PTPRD: variants seen among roughly 807,000 people sequenced by gnomAD.
The protein encoded by PTPRD is receptor-type tyrosine-protein phosphatase delta.
Under a neutral mutation model 214.5 loss-of-function variants are expected in PTPRD, and 34 were observed. The observed-to-expected ratio is 0.16, with a 90% confidence interval of 0.12 to 0.21. The LOEUF (loss-of-function observed/expected upper bound fraction) is 0.21, where lower values mean the gene tolerates loss of function less well. Among genes scored for constraint, PTPRD ranks in the 10% least tolerant of loss-of-function variants. The pLI is 1.00. For synonymous variants in PTPRD, 1,128 were observed against 845.7 expected (o/e 1.33, Z -5.79); for missense variants, 2,545 against 2,398.7 (o/e 1.06, Z -1.27).
intron 5 of PTPRD, among the ~76,000 whole-genome samples, chr9:9,835,395 G>A (rs1340288843): frequency 6.6e-6 from 1 of 152,096 alleles, no homozygotes; most frequent in Non-Finnish European, 1.5e-5. Flanking sequence ...AGAAGGCTCA[G>A]AGCAAAAGAA....
At chr9:9,119,834 AT>A (rs111523295) in intron 10 of PTPRD, among the ~76,000 whole-genome samples, 5,738 of 143,610 alleles carry the variant, frequency 0.04, 269 homozygotes, top group African/African-American at 0.12. Context: ...AGATTCTGTG[AT>A]TTTTTTTTTT....
rs548025300 is a variant in PTPRD, at chr9:9,587,686, G to A, written c.-286-12905C>T. Among the ~76,000 whole-genome samples, 12 of 152,082 alleles carry A rather than the reference G, an allele frequency of 7.9e-5. No homozygotes were observed. The East Asian group carries it at 1.9e-3, about 25-fold the overall frequency. On this transcript the variant is annotated intron_variant, in intron 7 of 45. Coordinates refer to ENST00000381196, the MANE Select transcript of PTPRD (RefSeq NM_002839.4). ...GCATTTCTAAACCAAGTTCCCAGGT[G>A]ATGTTGATGCTGCTGTTCTGGGGAT...
Position 8,596,154 on chromosome 9 carries a change from T to C in PTPRD, c.352+37163A>G, listed in dbSNP as rs190794780. Among the ~76,000 whole-genome samples, 5 of 152,224 alleles carry C rather than the reference T, an allele frequency of 3.3e-5. No individual in the cohort carries two copies. The East Asian group carries it at 7.7e-4, about 23-fold the overall frequency. Reference sequence around the variant, plus strand: ...AGGGTAATGTGAGGTTCACCAATCATTGTAAGATATAAAATACAAGAAAAA... The same window carrying C: ...AGGGTAATGTGAGGTTCACCAATCACTGTAAGATATAAAATACAAGAAAAA... On this transcript the variant is annotated intron_variant, in intron 14 of 45. Transcript: ENST00000381196.
intron 5 of PTPRD, among the ~76,000 whole-genome samples, chr9:9,933,254 C>A (rs1259700238): frequency 1.3e-5 from 2 of 152,322 alleles, no homozygotes; most frequent in African/African-American, 2.4e-5. Flanking sequence ...AAATGGAGTA[C>A]ATGCTCCAAT....
chr9:9,998,418 C>G (rs2096222859), intron 4 of PTPRD, among the ~76,000 whole-genome samples: 1 of 151,918 alleles, frequency 6.6e-6, no homozygotes. Context: ...GCCAGTCTCT[C>G]TTTTCTCCTC....
At chr9:8,888,147 T>C (rs2098507445) in intron 11 of PTPRD, among the ~76,000 whole-genome samples, 1 of 152,136 alleles carries the variant, frequency 6.6e-6, no homozygotes, top group South Asian at 2.1e-4. Context: ...CTCCATGACA[T>C]ACACAAAATG....
chr9:8,964,190 G>GT (rs1334290420), intron 11 of PTPRD, among the ~76,000 whole-genome samples: 1,193 of 52,650 alleles, frequency 0.023, 115 homozygotes, highest in African/African-American at 0.038. Context: ...GTTCAGGGCT[G>GT]TGTTTTTTTT....
intron 41 of PTPRD, 61 bp from the exon 42 acceptor site, chr9:8,340,530 A>G: frequency 4.8e-6 from 7 of 1,445,010 alleles, no homozygotes; most frequent in Non-Finnish European, 6.5e-6. Context: ...AAAAGCTCAC[A>G]CTGGATACAT....
At chr9:10,392,130 A>G (rs1467215862) in intron 2 of PTPRD, among the ~76,000 whole-genome samples, 2 of 151,946 alleles carry the variant, frequency 1.3e-5, no homozygotes, top group Non-Finnish European at 2.9e-5. Flanking sequence ...TCTGTAATGT[A>G]AATTCAATGA....
chr9:9,825,238 A>G (rs2052330978), intron 5 of PTPRD, among the ~76,000 whole-genome samples: 1 of 151,998 alleles, frequency 6.6e-6, no homozygotes. Flanking sequence ...TTTATTTACT[A>G]GTTTTCAAAA....
At chr9:10,443,938 TAAG>T (rs1354535905) in intron 2 of PTPRD, among the ~76,000 whole-genome samples, 2 of 151,616 alleles carry the variant, frequency 1.3e-5, no homozygotes, top group African/African-American at 4.8e-5. Context: ...GTGTCTCCTA[TAAG>T]TTGCTTTACT....
chr9:10,109,275 G>A (rs2098667631), intron 3 of PTPRD, among the ~76,000 whole-genome samples: 1 of 152,144 alleles, frequency 6.6e-6, no homozygotes, highest in South Asian at 2.1e-4. Flanking sequence ...CAGAGAAGAG[G>A]ACTGGTATTA....
At position 10,541,608 on chromosome 9, in the gene PTPRD, TTAAA is replaced by T. The variant is rs2059130790; in HGVS notation, c.-600+70786_-600+70789del. The stretch of plus-strand genomic sequence containing the variant: ...AAAAGTTAGTTACCATTATTACATA[TTAAA>T]TAAATATATGTTTGTTATTCTTTAT... On this transcript the variant is annotated intron_variant, in intron 2 of 45. Transcript: ENST00000381196. Among the ~76,000 whole-genome samples, 3 of 151,934 alleles carry T rather than the reference TTAAA, an allele frequency of 2.0e-5. No individual in the cohort carries two copies. The South Asian group carries it at 6.2e-4, about 31-fold the overall frequency.
intron 5 of PTPRD, among the ~76,000 whole-genome samples, chr9:9,907,015 T>G (rs2077751465): frequency 6.6e-6 from 1 of 151,818 alleles, no homozygotes. Context: ...AAAAATTACC[T>G]AAGTTTTCTT....
chr9:8,733,721 C>T, intron 12 of PTPRD, 59 bp downstream of exon 12: 1 of 1,532,092 alleles, frequency 6.5e-7, no homozygotes, highest in South Asian at 1.2e-5. Context: ...CTGGTGCCAA[C>T]TGCAAACAAA....
chr9:8,928,081 A>G (rs1171666457), intron 11 of PTPRD, among the ~76,000 whole-genome samples: 1 of 151,962 alleles, frequency 6.6e-6, no homozygotes, highest in Non-Finnish European at 1.5e-5. Flanking sequence ...TGTTAAAATT[A>G]TTTGCAGATT....
chr9:8,817,895 G>A (rs1284577752), intron 11 of PTPRD, among the ~76,000 whole-genome samples: 2 of 152,244 alleles, frequency 1.3e-5, no homozygotes, highest in East Asian at 3.9e-4. Context: ...TAATAACCAA[G>A]ATAAATTTGG....
chr9:8,836,053 A>C (rs897788865), intron 11 of PTPRD, among the ~76,000 whole-genome samples: 16 of 152,194 alleles, frequency 1.1e-4, no homozygotes, highest in Non-Finnish European at 1.5e-4. Flanking sequence ...TACCGGTTTA[A>C]TTAATGCATA....
intron 2 of PTPRD, among the ~76,000 whole-genome samples, chr9:10,589,795 T>C (rs1346676921): frequency 6.6e-6 from 1 of 152,014 alleles, no homozygotes; most frequent in East Asian, 1.9e-4. Flanking sequence ...GGAGGTCAAG[T>C]GATAGCTGAT....
Sources: gnomAD v4.1 joint callset for allele counts (sites outside exome capture counted in the v4.1 genomes callset) on GRCh38, gnomAD v4.1.1 for gene constraint, MANE v1.5 for transcripts, NCBI Gene and HGNC (gene_info 2026-07-23, HGNC 2026-07-21) for gene names.